The following PDE1C variants were observed in gnomAD, a reference collection of about 807,000 sequenced individuals.
The protein encoded by PDE1C is phosphodiesterase 1C.
In PDE1C, 62 loss-of-function variants were observed where a neutral mutation model predicts 93.1. The observed-to-expected ratio is 0.67, with a 90% CI of 0.54 to 0.82. The LOEUF is 0.82. PDE1C is among the 40% of genes least tolerant of loss of function. PDE1C has a pLI of 0.00. For synonymous variants in PDE1C, 325 were observed against 310.1 expected, an observed-to-expected ratio of 1.05 and a Z score of -0.50; for missense variants, 742 against 884.6, an observed-to-expected ratio of 0.84 and a Z score of 2.04.
intron 1 of PDE1C, among the ~76,000 whole-genome samples, chr7:32,216,768 C>G (rs890306014): frequency 3.3e-5 from 5 of 152,140 alleles, no homozygotes; most frequent in Non-Finnish European, 5.9e-5. Flanking sequence ...ATGGCCAAAC[C>G]CTATGTAAAC....
chr7:32,070,621 T>G, upstream of PDE1C: 1 of 1,411,280 alleles, frequency 7.1e-7, no homozygotes, highest in Non-Finnish European at 9.2e-7. Context: ...GAACCAGCCA[T>G]GGTCCCGGGC....
At chr7:32,085,001 T>A (rs2128740494) in intron 3 of PDE1C, among the ~76,000 whole-genome samples, 1 of 125,740 alleles carries the variant, frequency 8.0e-6, no homozygotes, top group Non-Finnish European at 1.7e-5. Flanking sequence ...ACAACTAAAA[T>A]CAGAGCAGAA....
At chr7:31,750,991 A>G (rs1794114376), downstream of PDE1C, among the ~76,000 whole-genome samples, 1 of 152,180 alleles carries the variant, frequency 6.6e-6, no homozygotes, top group African/African-American at 2.4e-5. Context: ...TAACAAATTT[A>G]TTTACTGGGT....
intron 3 of PDE1C, among the ~76,000 whole-genome samples, chr7:32,120,682 CA>C (rs1164183809): frequency 6.6e-6 from 1 of 152,088 alleles, no homozygotes; most frequent in Non-Finnish European, 1.5e-5. Context: ...AAACAGAAAG[CA>C]ACAACAACAA....
chr7:31,821,076 C>T (rs933400948), intron 14 of PDE1C, among the ~76,000 whole-genome samples: 1 of 151,448 alleles, frequency 6.6e-6, no homozygotes, highest in African/African-American at 2.4e-5. Context: ...CCAAACTATT[C>T]TCCCACAAGA....
the PDE1C span, among the ~76,000 whole-genome samples, chr7:31,713,942 A>T: frequency 6.6e-6 from 1 of 152,134 alleles, no homozygotes; most frequent in Admixed American, 6.5e-5. Context: ...CTGTGAGATG[A>T]CTGGTGCTGC....
At chr7:31,653,154 A>C in the PDE1C span, 2 of 302,704 alleles carry the variant, frequency 6.6e-6, no homozygotes, top group African/African-American at 4.2e-5. Flanking sequence ...ACCTCAGTCA[A>C]TATAGAAGTT....
chr7:31,843,606 G>C (rs926396021), intron 9 of PDE1C, among the ~76,000 whole-genome samples: 1 of 151,760 alleles, frequency 6.6e-6, no homozygotes, highest in East Asian at 1.9e-4. Flanking sequence ...TACAATTGCA[G>C]TTGGAGCTTG....
intron 1 of PDE1C, among the ~76,000 whole-genome samples, chr7:32,338,999 T>C (rs55937651): frequency 2.4e-4 from 33 of 137,022 alleles, no homozygotes; most frequent in African/African-American, 8.6e-4. Context: ...CTAGACTCCA[T>C]CTCAAAAAAA....
rs1562696094 is a variant in PDE1C, at chr7:32,374,303, GAAAGAA to G, written c.310+53513_310+53518del. Reference sequence around the variant, plus strand: ...AGAAAGAAAGAAAGAAAGAAAGAAAGAAAGAAGAAAAGAAAAGAAAACTATGTTCTC... The same window carrying G: ...AGAAAGAAAGAAAGAAAGAAAGAAAGGAAAAGAAAAGAAAACTATGTTCTC... On this transcript the variant is annotated intron_variant, in intron 1 of 1. Coordinates refer to the PDE1C transcript ENST00000672256. Among the ~76,000 whole-genome samples the G allele has an allele frequency of 2.2e-3, 329 of 148,698 alleles. 1 individual carries two copies. Among genetic ancestry groups the G allele is most frequent in the African/African-American group, 7.4e-3 (292 of 39,272 alleles).
At chr7:31,683,354 C>G in the PDE1C span, among the ~76,000 whole-genome samples, 1 of 152,110 alleles carries the variant, frequency 6.6e-6, no homozygotes. Flanking sequence ...AACCATTCAC[C>G]TTGCCTCTTA....
chr7:31,939,635 A>G (rs1805556075), intron 2 of PDE1C, among the ~76,000 whole-genome samples: 2 of 152,240 alleles, frequency 1.3e-5, no homozygotes, highest in Non-Finnish European at 2.9e-5. Flanking sequence ...AAGCAGCTTC[A>G]GAACATCCAA....
chr7:32,155,465 C>T (rs1801510985), intron 3 of PDE1C, among the ~76,000 whole-genome samples: 1 of 152,118 alleles, frequency 6.6e-6, no homozygotes, highest in Admixed American at 6.5e-5. Flanking sequence ...AAGAGGAAAA[C>T]TCTAGAAAGG....
At chr7:32,213,906 C>T (rs373336438) in intron 1 of PDE1C, among the ~76,000 whole-genome samples, 7 of 152,288 alleles carry the variant, frequency 4.6e-5, no homozygotes, top group Admixed American at 3.3e-4. Flanking sequence ...GATATATTAA[C>T]AGTTATTTCT....
intron 1 of PDE1C, among the ~76,000 whole-genome samples, chr7:32,330,368 A>G (rs557732708): frequency 6.6e-6 from 1 of 152,364 alleles, no homozygotes; most frequent in South Asian, 2.1e-4. Flanking sequence ...AATCAAAGGA[A>G]GAACAGAGGA....
chr7:31,626,018 ACT>A, the PDE1C span, among the ~76,000 whole-genome samples: 2 of 152,124 alleles, frequency 1.3e-5, no homozygotes, highest in African/African-American at 4.8e-5. Context: ...TTTATGACTA[ACT>A]CTATGATTTT....
At position 32,201,422 on chromosome 7, in the gene PDE1C, G is replaced by A. The variant is rs186895107; in HGVS notation, c.136+8067C>T. Among the ~76,000 whole-genome samples, 498 of 152,280 alleles carry A rather than the reference G, an allele frequency of 3.3e-3. 1 individual carries two copies. The highest frequency in any genetic ancestry group is 0.01 in the South Asian group (50 of 4,820). ...ATTCATATTTTTCAATTATCTAAGC[G>A]TGTACACATGTAGCAAGGGTAAATA... On this transcript the variant is annotated intron_variant, in intron 2 of 18. Coordinates refer to the PDE1C transcript ENST00000396193.
intron 2 of PDE1C, among the ~76,000 whole-genome samples, chr7:32,036,841 T>A (rs977616617): frequency 6.6e-6 from 1 of 152,186 alleles, no homozygotes; most frequent in African/African-American, 2.4e-5. Context: ...CAGCAACACC[T>A]GCAAACTTTT....
At chr7:32,233,441 C>A (rs999913661) in intron 1 of PDE1C, among the ~76,000 whole-genome samples, 10 of 152,012 alleles carry the variant, frequency 6.6e-5, no homozygotes, top group Non-Finnish European at 1.3e-4. Context: ...ACAAGAAATT[C>A]ATCTCAAATA....
Sources: gnomAD v4.1 joint callset for allele counts (sites outside exome capture counted in the v4.1 genomes callset) on GRCh38, gnomAD v4.1.1 for gene constraint, MANE v1.5 for transcripts, NCBI Gene and HGNC (gene_info 2026-07-23, HGNC 2026-07-21) for gene names.